Variants in SPATA6 observed in about 807,000 individuals in gnomAD.
SPATA6 encodes spermatogenesis-associated protein 6.
SPATA6 carries 56 observed loss-of-function variants against 65.3 expected under a neutral mutation model. The ratio of observed to expected loss-of-function variants is 0.86; its 90% CI spans 0.69 to 1.07. The LOEUF is 1.07. Ranked by LOEUF, SPATA6 falls within the 50% of genes least tolerant of loss-of-function variation. SPATA6 has a pLI of 0.00. For missense variants in SPATA6, 590 were observed against 594.8 expected, an observed-to-expected ratio of 0.99 and a Z score of 0.08; for synonymous variants, 199 against 213.2, an observed-to-expected ratio of 0.93 and a Z score of 0.58.
chr1:48,338,151 G>C (rs549747467), intron 11 of SPATA6, among the ~76,000 whole-genome samples: 1 of 152,026 alleles, frequency 6.6e-6, no homozygotes, highest in African/African-American at 2.4e-5. Flanking sequence ...AATCAAGAAT[G>C]ACTCACATAT....
chr1:48,317,996 A>T lies in SPATA6; in HGVS notation c.1195-12118T>A, dbSNP rs374775291. ...GAATTATCCAAAGAATGCAAGGTTGACTCATATAAAATTCAATCAATGTAA... is the reference window on the plus strand; with the variant it reads ...GAATTATCCAAAGAATGCAAGGTTGTCTCATATAAAATTCAATCAATGTAA... On this transcript the variant is annotated intron_variant, in intron 11 of 12. Coordinates refer to ENST00000371847, the MANE Select transcript of SPATA6 (RefSeq NM_019073.4). 3.3e-5 allele frequency among the ~76,000 whole-genome samples: 5 copies of T among 152,298 alleles called. No homozygotes were observed. In the South Asian group the frequency reaches 6.2e-4, roughly 19 times the overall value.
intron 11 of SPATA6, among the ~76,000 whole-genome samples, chr1:48,347,519 TATTAA>T (rs944464458): frequency 2.0e-5 from 3 of 146,790 alleles, no homozygotes; most frequent in African/African-American, 5.0e-5. Context: ...ATATATAATG[TATTAA>T]ATTAATTATA....
intron 1 of SPATA6, among the ~76,000 whole-genome samples, chr1:48,461,895 G>T (rs1375603467): frequency 6.6e-6 from 1 of 152,104 alleles, no homozygotes; most frequent in Admixed American, 6.5e-5. Flanking sequence ...ACATGCACAC[G>T]TATGTTTATT....
Position 48,298,809 on chromosome 1 carries a change from G to C in SPATA6, c.1371C>G (p.Ser457=). Residue 457 remains serine, a synonymous_variant, in exon 13 of 13, where the codon TCC becomes TCG. Coordinates refer to ENST00000371847, the MANE Select transcript of SPATA6 (RefSeq NM_019073.4). ...TGCTGTTCTCAAAGATGGGTCGGTG[G>C]GATTTTCCCTTATAAGAGGCTGCCC... ...SNRAASYKGK[S]HRPIFENSMD... The C allele has an allele frequency of 6.2e-7, 1 of 1,613,874 alleles. No individual in the cohort carries two copies. Among genetic ancestry groups the C allele is most frequent in the Non-Finnish European group, 8.5e-7 (1 of 1,179,914 alleles).
At chr1:48,393,636 T>G (rs1319524630) in intron 8 of SPATA6, among the ~76,000 whole-genome samples, 3 of 152,112 alleles carry the variant, frequency 2.0e-5, no homozygotes, top group Non-Finnish European at 4.4e-5. Flanking sequence ...ATTGTCTGAA[T>G]TAGTCTGCTC....
chr1:48,313,837 G>A (rs1243563021), intron 11 of SPATA6, among the ~76,000 whole-genome samples: 2 of 152,060 alleles, frequency 1.3e-5, no homozygotes, highest in Non-Finnish European at 2.9e-5. Context: ...TCAAAATAAA[G>A]GGATGGAGGA....
At chr1:48,350,654 C>CTTTA (rs1366287556) in intron 11 of SPATA6, among the ~76,000 whole-genome samples, 1 of 151,932 alleles carries the variant, frequency 6.6e-6, no homozygotes, top group Non-Finnish European at 1.5e-5. Context: ...ATTTAATTGG[C>CTTTA]TTTACACTTT....
chr1:48,265,227 G>C, the SPATA6 span, among the ~76,000 whole-genome samples: 1 of 151,902 alleles, frequency 6.6e-6, no homozygotes, highest in Non-Finnish European at 1.5e-5. Context: ...TAATGCATTT[G>C]TGAGAGATCC....
chr1:48,321,157 T>C (rs1248916346), intron 11 of SPATA6, among the ~76,000 whole-genome samples: 1 of 152,110 alleles, frequency 6.6e-6, no homozygotes, highest in African/African-American at 2.4e-5. Context: ...GAAGTAAGTC[T>C]TTACTTATCA....
rs372294749 is a variant in SPATA6 at position 48,305,887 on chromosome 1, T to C, written c.1195-9A>G. The C allele has an allele frequency of 2.3e-5, 37 of 1,605,450 alleles. No homozygotes were observed. Among genetic ancestry groups the C allele is most frequent in the Non-Finnish European group, 3.0e-5 (35 of 1,174,330 alleles). Reference sequence around the variant, plus strand: ...TCTAGGTCTCTCTCATCCTGAAAAATTTTAAAGATTTCCATTAACTCACTG... The same window carrying C: ...TCTAGGTCTCTCTCATCCTGAAAAACTTTAAAGATTTCCATTAACTCACTG... On this transcript the variant is annotated splice_polypyrimidine_tract_variant and intron_variant, in intron 11 of 12. Coordinates refer to ENST00000371847, the MANE Select transcript of SPATA6 (RefSeq NM_019073.4).
intron 11 of SPATA6, among the ~76,000 whole-genome samples, chr1:48,316,692 T>A (rs1645433940): frequency 1.3e-5 from 2 of 152,090 alleles, no homozygotes. Flanking sequence ...GGGATCTAAT[T>A]AAACTAAAGA....
At chr1:48,447,372 A>G (rs1656154168) in intron 3 of SPATA6, among the ~76,000 whole-genome samples, 1 of 152,156 alleles carries the variant, frequency 6.6e-6, no homozygotes, top group African/African-American at 2.4e-5. Flanking sequence ...TACAAAAATT[A>G]GCCGGGCATG....
the SPATA6 span, among the ~76,000 whole-genome samples, chr1:48,284,732 CCT>C: frequency 2.6e-5 from 4 of 152,114 alleles, no homozygotes; most frequent in Admixed American, 6.5e-5. Context: ...CACTCCAGAC[CCT>C]GTTTGCCTGG....
chr1:48,436,315 C>T (rs1264245326), intron 3 of SPATA6: 2 of 1,613,072 alleles, frequency 1.2e-6, no homozygotes, highest in Admixed American at 3.3e-5. Context: ...TTTCCGGCAT[C>T]CCAATATTAC....
chr1:48,391,374 CAA>C (rs532962472), intron 8 of SPATA6, among the ~76,000 whole-genome samples: 1 of 135,468 alleles, frequency 7.4e-6, no homozygotes. Flanking sequence ...GATCCTGTCT[CAA>C]AAAAAAAAAG....
At chr1:48,318,780 A>C (rs1266992944) in intron 11 of SPATA6, among the ~76,000 whole-genome samples, 1 of 152,168 alleles carries the variant, frequency 6.6e-6, no homozygotes, top group Non-Finnish European at 1.5e-5. Context: ...TGATCCTAAA[A>C]TTCATACAGA....
intron 11 of SPATA6, among the ~76,000 whole-genome samples, chr1:48,328,895 T>C (rs1312756685): frequency 6.6e-6 from 1 of 152,186 alleles, no homozygotes; most frequent in Non-Finnish European, 1.5e-5. Flanking sequence ...TTTTGTACAG[T>C]GTTTTCTGGT....
At chr1:48,457,120 A>G (rs2148173486) in intron 1 of SPATA6, among the ~76,000 whole-genome samples, 1 of 152,198 alleles carries the variant, frequency 6.6e-6, no homozygotes, top group Non-Finnish European at 1.5e-5. Context: ...CAACCTGTGC[A>G]CCTAATAAAC....
At chr1:48,317,787 A>G (rs1570091010) in intron 11 of SPATA6, among the ~76,000 whole-genome samples, 1 of 152,350 alleles carries the variant, frequency 6.6e-6, no homozygotes, top group East Asian at 1.9e-4. Flanking sequence ...CCAAAAATTT[A>G]AGAGGAAGAA....
Sources: allele counts gnomAD v4.1 joint callset (sites outside exome capture counted in the v4.1 genomes callset), GRCh38; gene constraint gnomAD v4.1.1; transcripts MANE v1.5; gene names NCBI Gene and HGNC (gene_info 2026-07-23, HGNC 2026-07-21).